Variants in C1QTNF3 observed in about 807,000 individuals in gnomAD.
C1QTNF3 encodes C1q and TNF related 3.
C1QTNF3 carries 26 observed loss-of-function variants against 32.6 expected under a neutral mutation model. That is an observed-to-expected ratio of 0.80 (90% CI 0.58 to 1.11). C1QTNF3 has a LOEUF of 1.11. C1QTNF3 is among the 50% of genes least tolerant of loss of function. C1QTNF3 has a pLI of 0.00. For missense variants in C1QTNF3, 362 were observed against 398.2 expected (o/e 0.91, Z 0.77); for synonymous variants, 155 against 146.0 (o/e 1.06, Z -0.44).
At chr5:34,224,577 G>C in the C1QTNF3 span, among the ~76,000 whole-genome samples, 342 of 152,258 alleles carry the variant, frequency 2.2e-3, 1 homozygote, top group African/African-American at 7.8e-3. Context: ...AATAAATGGT[G>C]CTGGGAAAAC....
At chr5:34,153,836 C>A in the C1QTNF3 span, among the ~76,000 whole-genome samples, 2 of 98,648 alleles carry the variant, frequency 2.0e-5, no homozygotes, top group African/African-American at 3.6e-5. Flanking sequence ...TGCACATGTA[C>A]CCTAAAACTT....
the C1QTNF3 span, among the ~76,000 whole-genome samples, chr5:34,244,407 C>T: frequency 3.3e-5 from 5 of 152,210 alleles, no homozygotes; most frequent in Admixed American, 2.0e-4. Context: ...GACCCTAGCA[C>T]GTTGCTGTTG....
the C1QTNF3 span, among the ~76,000 whole-genome samples, chr5:34,107,697 A>C: frequency 6.6e-6 from 1 of 152,016 alleles, no homozygotes; most frequent in East Asian, 1.9e-4. Flanking sequence ...ACCTGTATAA[A>C]TAATGCCAAA....
At chr5:34,233,061 A>G in the C1QTNF3 span, among the ~76,000 whole-genome samples, 1 of 151,066 alleles carries the variant, frequency 6.6e-6, no homozygotes, top group Non-Finnish European at 1.5e-5. Context: ...AGAATAAGTT[A>G]TATTCCTATT....
the C1QTNF3 span, among the ~76,000 whole-genome samples, chr5:34,066,759 G>C: frequency 6.6e-6 from 1 of 152,176 alleles, no homozygotes; most frequent in Non-Finnish European, 1.5e-5. Flanking sequence ...GCATGCCCTG[G>C]AGACATTTTT....
At chr5:34,127,176 C>T in the C1QTNF3 span, among the ~76,000 whole-genome samples, 2 of 151,630 alleles carry the variant, frequency 1.3e-5, no homozygotes, top group Non-Finnish European at 2.9e-5. Flanking sequence ...AAAGCTGGTA[C>T]CGGGAAAGTG....
chr5:34,067,380 G>C, the C1QTNF3 span, among the ~76,000 whole-genome samples: 1 of 152,184 alleles, frequency 6.6e-6, no homozygotes, highest in Non-Finnish European at 1.5e-5. Context: ...TGCTGATAAA[G>C]ACATACCTGA....
At chr5:34,132,428 T>C in the C1QTNF3 span, among the ~76,000 whole-genome samples, 1 of 38,870 alleles carries the variant, frequency 2.6e-5, no homozygotes, top group Non-Finnish European at 6.0e-5. Flanking sequence ...TGTATGTGTA[T>C]GTGTATGTAT....
At chr5:34,024,363 T>A (rs1259532874) in intron 4 of C1QTNF3, 1 of 204,016 alleles carries the variant, frequency 4.9e-6, no homozygotes, top group East Asian at 1.1e-4. Flanking sequence ...AGAACTCGTG[T>A]TACCAAGGTG....
the C1QTNF3 span, among the ~76,000 whole-genome samples, chr5:34,221,689 A>C: frequency 4.6e-5 from 7 of 152,134 alleles, no homozygotes; most frequent in African/African-American, 1.7e-4. Flanking sequence ...AGTGACAGTA[A>C]TTCAGAAAAA....
At chr5:34,036,325 A>G (rs1030156667) in intron 1 of C1QTNF3, among the ~76,000 whole-genome samples, 7 of 152,230 alleles carry the variant, frequency 4.6e-5, no homozygotes, top group Non-Finnish European at 1.0e-4. Context: ...CGAAGGAAAT[A>G]AAGTATTTTT....
chr5:34,042,417 G>T (rs556315028), intron 1 of C1QTNF3, among the ~76,000 whole-genome samples: 193 of 152,216 alleles, frequency 1.3e-3, no homozygotes, highest in Non-Finnish European at 1.4e-3. Flanking sequence ...TCTCCCTGCC[G>T]GAAGGGATGA....
the C1QTNF3 span, among the ~76,000 whole-genome samples, chr5:34,188,889 T>A: frequency 5.9e-5 from 9 of 151,972 alleles, no homozygotes; most frequent in African/African-American, 2.2e-4. Context: ...CCCACCCAAA[T>A]CTCATCTTGA....
the C1QTNF3 span, among the ~76,000 whole-genome samples, chr5:34,232,163 G>C: frequency 6.6e-6 from 1 of 151,210 alleles, no homozygotes; most frequent in Admixed American, 6.6e-5. Context: ...CAGACCCTTT[G>C]TTTTGGCTAA....
At chr5:34,172,488 C>G in the C1QTNF3 span, among the ~76,000 whole-genome samples, 3 of 152,062 alleles carry the variant, frequency 2.0e-5, no homozygotes, top group South Asian at 2.1e-4. Flanking sequence ...CTGAAGTTCT[C>G]AAAATCCTAA....
chr5:34,154,944 C>T, the C1QTNF3 span, among the ~76,000 whole-genome samples: 3 of 152,112 alleles, frequency 2.0e-5, no homozygotes, highest in Non-Finnish European at 2.9e-5. Flanking sequence ...CAATGCTAAT[C>T]AATTTAAATA....
the C1QTNF3 span, among the ~76,000 whole-genome samples, chr5:34,103,790 C>A: frequency 6.7e-6 from 1 of 148,416 alleles, no homozygotes; most frequent in African/African-American, 2.5e-5. Flanking sequence ...CCACTGCATT[C>A]CAGCCTGGGT....
the C1QTNF3 span, among the ~76,000 whole-genome samples, chr5:34,204,217 A>G: frequency 1.3e-5 from 2 of 152,216 alleles, no homozygotes; most frequent in African/African-American, 2.4e-5. Context: ...CAGAATATAC[A>G]TTCTTAATAA....
the C1QTNF3 span, among the ~76,000 whole-genome samples, chr5:34,070,549 T>C: frequency 5.9e-5 from 9 of 152,158 alleles, no homozygotes; most frequent in African/African-American, 2.2e-4. Context: ...ATAAAAAGAT[T>C]TGCAAATAGC....
Sources: gnomAD v4.1 joint callset for allele counts (sites outside exome capture counted in the v4.1 genomes callset) on GRCh38, gnomAD v4.1.1 for gene constraint, MANE v1.5 for transcripts, NCBI Gene and HGNC (gene_info 2026-07-23, HGNC 2026-07-21) for gene names.